The following RASGRF2 variants were observed in gnomAD, a reference collection of about 807,000 sequenced individuals.
RASGRF2 encodes Ras protein specific guanine nucleotide releasing factor 2, also known as ras-specific guanine nucleotide-releasing factor 2.
A neutral mutation model predicts 151.0 loss-of-function variants in RASGRF2; 76 were observed. That is an observed-to-expected ratio of 0.50 (90% CI 0.42 to 0.61). The LOEUF (loss-of-function observed/expected upper bound fraction) is 0.61. RASGRF2 is among the 20% of genes least tolerant of loss of function. The pLI is 0.00. For synonymous variants in RASGRF2, 504 were observed against 566.5 expected (o/e 0.89, Z 1.57); for missense variants, 1,148 against 1,564.6 (o/e 0.73, Z 4.49).
At chr5:81,039,419 A>T (rs983753652) in intron 1 of RASGRF2, among the ~76,000 whole-genome samples, 5 of 152,174 alleles carry the variant, frequency 3.3e-5, no homozygotes, top group African/African-American at 1.2e-4. Flanking sequence ...GGGCCACTAT[A>T]TCAATAAAAT....
At chr5:81,018,003 C>T (rs1398691817) in intron 1 of RASGRF2, among the ~76,000 whole-genome samples, 4 of 151,832 alleles carry the variant, frequency 2.6e-5, no homozygotes, top group South Asian at 2.1e-4. Context: ...CAGCTACTTG[C>T]GAGGCTGAGG....
At chr5:81,186,745 T>C (rs1755035469) in intron 18 of RASGRF2, among the ~76,000 whole-genome samples, 1 of 152,182 alleles carries the variant, frequency 6.6e-6, no homozygotes, top group Admixed American at 6.5e-5. Context: ...TTTTTACGTC[T>C]CCAAAAATCA....
Position 81,092,873 on chromosome 5 carries a change from A to G in RASGRF2, c.1463A>G (p.Lys488Arg). The change falls in exon 10 of 27, where the codon AAA becomes AGA. Residue 488 changes from lysine to arginine, a missense_variant. This residue lies in a region of RASGRF2 where 646 missense variants were observed against 807.4 expected (regional missense o/e 0.80). Coordinates refer to ENST00000265080, the MANE Select transcript of RASGRF2 (RefSeq NM_006909.3). ...SKVRLGSLSL[K>R]KEGERQCFLF... Reference sequence around the variant, plus strand: ...GTTCGCCTGGGTTCGTTGTCTTTGAAAAAGGAAGGAGAGAGACAATGCTTC... The same window carrying G: ...GTTCGCCTGGGTTCGTTGTCTTTGAGAAAGGAAGGAGAGAGACAATGCTTC... 6.2e-7 allele frequency: 1 copy of G among 1,612,886 alleles called. No individual in the cohort carries two copies. The highest frequency in any genetic ancestry group is 1.7e-4 in the Middle Eastern group (1 of 6,058).
chr5:81,088,139 T>C (rs1752291334), intron 9 of RASGRF2: 1 of 152,268 alleles, frequency 6.6e-6, no homozygotes, highest in African/African-American at 2.4e-5. Context: ...TAATGCCTCC[T>C]CTATTCCTCT....
At chr5:81,011,664 C>T (rs1749464107) in intron 1 of RASGRF2, among the ~76,000 whole-genome samples, 1 of 151,974 alleles carries the variant, frequency 6.6e-6, no homozygotes, top group Non-Finnish European at 1.5e-5. Flanking sequence ...TTGCTTGAAC[C>T]TGGGAGGCGG....
rs886988396 is a variant in RASGRF2, at chr5:80,974,150, A to C, written c.288+13124A>C. ...TGATGAATGGTGGGTTCCATCAGAA[A>C]ACCAGTCCTTATTTGAGAGTATCTA... is the stretch of plus-strand genomic sequence containing the variant. On this transcript the variant is annotated intron_variant, in intron 1 of 26. Transcript: ENST00000265080. Among the ~76,000 whole-genome samples the C allele has an allele frequency of 3.3e-5, 5 of 152,186 alleles. No homozygotes were observed. In the South Asian group the frequency reaches 8.3e-4, roughly 25 times the overall value.
At chr5:81,113,960 G>T (rs887609831) in intron 15 of RASGRF2, 40 bp downstream of exon 15, 26 of 1,571,226 alleles carry the variant, frequency 1.7e-5, no homozygotes, top group Non-Finnish European at 2.2e-5. Context: ...CCCCACATTT[G>T]CTGGCCGCCT....
rs372446214 is a variant in RASGRF2 at position 81,099,448 on chromosome 5, C to T, written c.1755+4456C>T. On this transcript the variant is annotated intron_variant, in intron 12 of 26. Coordinates refer to ENST00000265080, the MANE Select transcript of RASGRF2 (RefSeq NM_006909.3). ...TAATGAGGTGCTAAACATCTTCATG[C>T]GGGAGTTTTCCCCTTCTTTTAAAGT... Among the ~76,000 whole-genome samples, 18 of 152,220 alleles carry T rather than the reference C, an allele frequency of 1.2e-4. No individual in the cohort carries two copies. In the South Asian group the frequency reaches 2.1e-3, roughly 18 times the overall value.
chr5:80,995,399 T>TAC (rs745608211), intron 1 of RASGRF2, among the ~76,000 whole-genome samples: 65 of 119,796 alleles, frequency 5.4e-4, no homozygotes, highest in East Asian at 1.7e-3. Context: ...TATATATATA[T>TAC]ACACACACAC....
intron 20 of RASGRF2, 38 bp from the exon 21 acceptor site, chr5:81,207,208 C>T: frequency 6.3e-7 from 1 of 1,584,362 alleles, no homozygotes; most frequent in Non-Finnish European, 8.7e-7. Flanking sequence ...CAGGCGCCCT[C>T]TCCTGGGTGT....
rs151071760 is a variant in RASGRF2 at position 81,112,836 on chromosome 5, C to A, written c.2065C>A (p.Pro689Thr). The A allele has an allele frequency of 3.7e-6, 6 of 1,614,194 alleles. No homozygotes were observed. Among genetic ancestry groups the A allele is most frequent in the East Asian group, 2.2e-5 (1 of 44,882 alleles). The change falls in exon 14 of 27, where the codon CCT (proline) becomes ACT (threonine). Residue 689 changes from proline to threonine, a missense_variant. Physicochemically the swap from Pro to Thr is conservative, Grantham distance 38. This residue lies in a region of RASGRF2 where 646 missense variants were observed against 807.4 expected (regional missense o/e 0.80). Coordinates refer to ENST00000265080, the MANE Select transcript of RASGRF2 (RefSeq NM_006909.3). ...GAAACTCTCCGACATATACAAGAGG[C>A]CTTTCACCTCCATCCCTGTCAGGTA... ...LGKLSDIYKR[P>T]FTSIPVRSLE...
intron 17 of RASGRF2, among the ~76,000 whole-genome samples, chr5:81,172,824 A>C (rs1471275558): frequency 1.3e-5 from 2 of 152,092 alleles, no homozygotes; most frequent in African/African-American, 4.8e-5. Flanking sequence ...CTTCAGTGGA[A>C]GTTTCCAGAA....
chr5:81,161,579 G>A (rs1754384842), intron 17 of RASGRF2, among the ~76,000 whole-genome samples: 3 of 152,202 alleles, frequency 2.0e-5, no homozygotes, highest in Admixed American at 1.3e-4. Context: ...AGGAGCAAGA[G>A]GCAATGATGT....
chr5:81,150,236 A>G (rs1754102502), intron 17 of RASGRF2, among the ~76,000 whole-genome samples: 1 of 152,190 alleles, frequency 6.6e-6, no homozygotes, highest in South Asian at 2.1e-4. Context: ...CCAATATCAA[A>G]TAAACCTGCA....
chr5:81,212,801 C>T (rs1441813644), intron 23 of RASGRF2, among the ~76,000 whole-genome samples: 1 of 152,140 alleles, frequency 6.6e-6, no homozygotes. Flanking sequence ...ATGTGGTTGT[C>T]AGTCAAGAGT....
chr5:81,012,182 A>G (rs565844330), intron 1 of RASGRF2, among the ~76,000 whole-genome samples: 3 of 152,134 alleles, frequency 2.0e-5, no homozygotes, highest in South Asian at 4.1e-4. Flanking sequence ...ATTTTACCCC[A>G]TTTGCCTTTA....
At chr5:81,087,643 T>G in intron 9 of RASGRF2, 2 of 491,112 alleles carry the variant, frequency 4.1e-6, no homozygotes. Context: ...TATTTCAAAA[T>G]GCAAGACGTA....
Position 81,070,536 on chromosome 5 carries a change from A to C in RASGRF2, c.588A>C (p.Gln196His), listed in dbSNP as rs1318089050. 1 of 1,611,964 alleles carries C rather than the reference A, an allele frequency of 6.2e-7. No homozygotes were observed. The highest frequency in any genetic ancestry group is 8.5e-7 in the Non-Finnish European group (1 of 1,178,032). Residue 196 changes from glutamine to histidine, a missense_variant, in exon 4 of 27, where the codon CAA becomes CAC. Gln to His is a conservative substitution (Grantham distance 24). Around this residue, in one of 5 missense-constraint regions of RASGRF2, gnomAD observed 221 missense variants for 271.3 expected, o/e 0.81. Coordinates refer to ENST00000265080, the MANE Select transcript of RASGRF2 (RefSeq NM_006909.3). ...NKTKERMRPY[Q>H]SNQEDEDPDI... ...CCAAAGAACGAATGCGACCTTACCA[A>C]AGCAACCAAGAAGACGAAGATCCAG...
rs1175580643 is a variant in RASGRF2 at position 81,060,234 on chromosome 5, A to T, written c.396-7798A>T. On this transcript the variant is annotated intron_variant, in intron 2 of 26. Coordinates refer to ENST00000265080, the MANE Select transcript of RASGRF2 (RefSeq NM_006909.3). ...AATGTGAGATTTGGGTGTGACACAG[A>T]TCTAAACCATACCATTCCCCTTGAG... 3.9e-5 allele frequency among the ~76,000 whole-genome samples: 6 copies of T among 151,984 alleles called. No homozygotes were observed. The East Asian group carries it at 1.2e-3, about 29-fold the overall frequency.
Sources: gnomAD v4.1 joint callset for allele counts (sites outside exome capture counted in the v4.1 genomes callset) on GRCh38, gnomAD v4.1.1 for gene constraint, gnomAD v4.1.1 regional missense constraint, MANE v1.5 for transcripts, NCBI Gene and HGNC (gene_info 2026-07-23, HGNC 2026-07-21) for gene names.